SEC31B: variants seen among roughly 807,000 people sequenced by gnomAD.
SEC31B encodes the protein protein transport protein Sec31B.
Under a neutral mutation model 135.0 loss-of-function variants are expected in SEC31B, and 113 were observed. The ratio of observed to expected loss-of-function variants is 0.84; its 90% CI spans 0.72 to 0.98. The LOEUF (loss-of-function observed/expected upper bound fraction) is 0.98, where lower values mean the gene tolerates loss of function less well. Among genes scored for constraint, SEC31B ranks in the 50% least tolerant of loss-of-function variants. The pLI is 0.00. For missense variants in SEC31B, 1,296 were observed against 1,421.1 expected (o/e 0.91, Z 1.42); for synonymous variants, 508 against 549.4 (o/e 0.92, Z 1.05).
In SEC31B at chr10:100,495,442, A is replaced by G. The variant is rs768514675; in HGVS notation, c.2415T>C (p.Ala805=). ...PFPFPRIVVG[A]TLHSKETSSY... is the part of the protein sequence containing the mutation. ...ATGATGTCTCTTTAGAGTGGAGGGT[A>G]GCTCCCACAACAATCCGGGGGAAGG... Residue 805 remains alanine (A), a synonymous_variant, in exon 19 of 26, where the codon GCT becomes GCC. Coordinates refer to ENST00000370345, the MANE Select transcript of SEC31B (RefSeq NM_015490.4). 7.4e-6 allele frequency: 12 copies of G among 1,613,848 alleles called. No individual in the cohort carries two copies. The East Asian group carries it at 1.1e-4, about 15-fold the overall frequency.
At chr10:100,514,610 C>G (rs1329110064) in intron 3 of SEC31B, among the ~76,000 whole-genome samples, 1 of 150,798 alleles carries the variant, frequency 6.6e-6, no homozygotes, top group Non-Finnish European at 1.5e-5. Flanking sequence ...GATGCAGGAG[C>G]TCAAGAAAGG....
At chr10:100,488,449 A>G (rs1259471719) in intron 24 of SEC31B, among the ~76,000 whole-genome samples, 9 of 114,452 alleles carry the variant, frequency 7.9e-5, no homozygotes, top group African/African-American at 3.4e-4. Flanking sequence ...ACAAAGCGAG[A>G]CTCCATCTCA....
chr10:100,506,292 C>T lies in SEC31B; in HGVS notation c.882+29G>A, dbSNP rs774386950. ...ATTCTTCTACCCTCTCTCTCCCATC[C>T]CAGCATGCCCACAGAAGGGCCAGCC... On this transcript the variant is annotated intron_variant, in intron 8 of 25. Transcript: ENST00000370345. 4.3e-6 allele frequency: 7 copies of T among 1,614,092 alleles called. 1 individual carries two copies. In the South Asian group the frequency reaches 7.7e-5, roughly 18 times the overall value.
chr10:100,507,899 A>G lies in SEC31B; in HGVS notation c.639+9T>C. 6.2e-7 allele frequency: 1 copy of G among 1,614,196 alleles called. No individual in the cohort carries two copies. ...AGCCCAAGCCTGTGTTCTGGCCTCC[A>G]ATACTCACCCTGTTGCTGTGATCAC... is the stretch of plus-strand genomic sequence containing the variant. On this transcript the variant is annotated intron_variant, in intron 6 of 25. Coordinates refer to ENST00000370345, the MANE Select transcript of SEC31B (RefSeq NM_015490.4).
At position 100,507,491 on chromosome 10, in the gene SEC31B, G is replaced by A; in HGVS notation, c.716C>T (p.Pro239Leu). ...LVLCSEDDRL[P>L]VIQLWDLRFA... ...GCGCAAGTCCCACAGCTGAATCACG[G>A]GAAGTCGATCATCCTCTGAGCACAG... The change falls in exon 7 of 26, where the codon CCC (proline) becomes CTC (leucine). Residue 239 changes from proline to leucine, a missense_variant. Coordinates refer to ENST00000370345, the MANE Select transcript of SEC31B (RefSeq NM_015490.4). The A allele has an allele frequency of 6.2e-7, 1 of 1,614,220 alleles. No homozygotes were observed. The highest frequency in any genetic ancestry group is 2.2e-5 in the East Asian group (1 of 44,890).
chr10:100,514,392 C>T (rs1851788364), intron 3 of SEC31B, among the ~76,000 whole-genome samples: 2 of 152,056 alleles, frequency 1.3e-5, no homozygotes, highest in Non-Finnish European at 2.9e-5. Flanking sequence ...TCAGGTTGAA[C>T]CCCTTTTTTA....
intron 11 of SEC31B, chr10:100,500,268 G>T: frequency 2.2e-6 from 1 of 450,266 alleles, no homozygotes; most frequent in South Asian, 1.6e-5. Flanking sequence ...CTTCCGAGGA[G>T]ACTGCTGCCA....
intron 2 of SEC31B, among the ~76,000 whole-genome samples, chr10:100,516,505 C>G (rs751305425): frequency 6.6e-6 from 1 of 151,968 alleles, no homozygotes; most frequent in Middle Eastern, 3.4e-3. Context: ...AAAAATTAGC[C>G]AGATGTGGTG....
chr10:100,508,422 A>G (rs1359341947), intron 5 of SEC31B: 1 of 486,946 alleles, frequency 2.1e-6, no homozygotes, highest in Admixed American at 2.3e-5. Context: ...AGGCCGAGAG[A>G]AAAACCACAA....
In SEC31B at chr10:100,516,944, C is replaced by T. The variant is rs1370932732; in HGVS notation, c.9G>A (p.Leu3=). MK[L]KELERPAVQA... ...GGACAGCTGGCCGCTCAAGTTCCTT[C>T]AGCTTCATGGTCTATCCTGTAGGTG... Residue 3 remains leucine (L), a synonymous_variant, in exon 2 of 26, where the codon CTG becomes CTA. Transcript: ENST00000370345. 6.2e-7 allele frequency: 1 copy of T among 1,614,060 alleles called. No individual in the cohort carries two copies. Among genetic ancestry groups the T allele is most frequent in the Admixed American group, 1.7e-5 (1 of 60,030 alleles).
At chr10:100,512,883 A>C (rs774387706) in intron 3 of SEC31B, among the ~76,000 whole-genome samples, 1 of 152,238 alleles carries the variant, frequency 6.6e-6, no homozygotes, top group Non-Finnish European at 1.5e-5. Flanking sequence ...GAGGGAACCT[A>C]AGATAACTGA....
intron 12 of SEC31B, 60 bp from the exon 13 acceptor site, chr10:100,499,318 C>T: frequency 1.3e-5 from 18 of 1,372,346 alleles, no homozygotes; most frequent in Middle Eastern, 3.5e-4. Flanking sequence ...AAGCATTATC[C>T]TCTTTTCCTA....
chr10:100,507,927 A>C lies in SEC31B; in HGVS notation c.620T>G (p.Val207Gly). The C allele has an allele frequency of 6.2e-7, 1 of 1,614,180 alleles. No individual in the cohort carries two copies. The highest frequency in any genetic ancestry group is 8.5e-7 in the Non-Finnish European group (1 of 1,180,034). The change falls in exon 6 of 26, where the codon GTC (valine) becomes GGC (glycine). Residue 207 changes from valine to glycine, a missense_variant. Transcript: ENST00000370345. ...DLRKNEPIIK[V>G]SDHSNRMHCS... Reference sequence around the variant, plus strand: ...ACTCACCCTGTTGCTGTGATCACTGACTTTGATGATAGGTTCATTCTTCCT... The same window carrying C: ...ACTCACCCTGTTGCTGTGATCACTGCCTTTGATGATAGGTTCATTCTTCCT...
rs186151010 is a variant in SEC31B at position 100,507,752 on chromosome 10, C to T, written c.639+156G>A. Among the ~76,000 whole-genome samples, 364 of 152,304 alleles carry T rather than the reference C, an allele frequency of 2.4e-3. 1 individual carries two copies. The highest frequency in any genetic ancestry group is 4.4e-3 in the Non-Finnish European group (300 of 68,022). On this transcript the variant is annotated intron_variant, in intron 6 of 25. Transcript: ENST00000370345. Reference sequence around the variant, plus strand: ...TCCAGATCAGCTCTGTTTAGCTTCCCTAAGTTTTCACTCTCAATAGGAAAT... The same window carrying T: ...TCCAGATCAGCTCTGTTTAGCTTCCTTAAGTTTTCACTCTCAATAGGAAAT...
In SEC31B at chr10:100,490,727, A is replaced by T; in HGVS notation, c.2629T>A (p.Leu877Met). The T allele has an allele frequency of 6.3e-7, 1 of 1,595,986 alleles. No individual in the cohort carries two copies. Among genetic ancestry groups the T allele is most frequent in the Non-Finnish European group, 8.6e-7 (1 of 1,169,524 alleles). ...PGPQAIQPLP[L>M]SPGVRPASSQ... ...TCACCAGGCCTTACCCCAGGGCTCA[A>T]AGGCAAAGGCTGGATGGCCTGGGGC... Residue 877 changes from leucine to methionine, a missense_variant, in exon 20 of 26, where the codon TTG becomes ATG. Coordinates refer to ENST00000370345, the MANE Select transcript of SEC31B (RefSeq NM_015490.4).
Position 100,495,495 on chromosome 10 carries a change from C to T in SEC31B, c.2362G>A (p.Val788Ile). The T allele has an allele frequency of 1.2e-6, 2 of 1,614,074 alleles. No individual in the cohort carries two copies. The highest frequency in any genetic ancestry group is 1.3e-5 in the African/African-American group (1 of 75,024). ...AAAGGGGGAGACTGTTGGCCCAAGACAGCAGAACCTTGAGCATGAAAAAGC... is the reference window on the plus strand; with the variant it reads ...AAAGGGGGAGACTGTTGGCCCAAGATAGCAGAACCTTGAGCATGAAAAAGC... ...DRLFHAQGSAVLGQQSPPFPF... is the reference protein window; with the variant it reads ...DRLFHAQGSAILGQQSPPFPF... The change falls in exon 19 of 26, where the codon GTC becomes ATC. Residue 788 changes from valine (V) to isoleucine (I), a missense_variant. By Grantham distance (29) the Val-to-Ile change is conservative. Coordinates refer to ENST00000370345, the MANE Select transcript of SEC31B (RefSeq NM_015490.4).
chr10:100,488,055 T>C lies in SEC31B; in HGVS notation c.3332A>G (p.Tyr1111Cys), dbSNP rs2133665583. The C allele has an allele frequency of 6.2e-7, 1 of 1,614,090 alleles. No individual in the cohort carries two copies. ...KLEEAAQRLEYLYEKLCEGTL... is the reference protein window; with the variant it reads ...KLEEAAQRLECLYEKLCEGTL... ...CCCCTCACAGAGCTTCTCATATAGATACTCCAGACGCTGGGCTGCCTCTTC... is the reference window on the plus strand; with the variant it reads ...CCCCTCACAGAGCTTCTCATATAGACACTCCAGACGCTGGGCTGCCTCTTC... The change falls in exon 25 of 26, where the codon TAT becomes TGT. Residue 1111 changes from tyrosine to cysteine, a missense_variant. Physicochemically the swap from Tyr to Cys is radical, Grantham distance 194. Transcript: ENST00000370345.
At chr10:100,497,562 C>T (rs963442289) in intron 16 of SEC31B, 105 bp downstream of exon 16, 39 of 1,580,548 alleles carry the variant, frequency 2.5e-5, no homozygotes, top group Admixed American at 1.7e-4. Context: ...AACATTGCCT[C>T]GCCTCCCACA....
chr10:100,488,809 A>T, intron 24 of SEC31B, 49 bp downstream of exon 24: 1 of 1,528,170 alleles, frequency 6.5e-7, no homozygotes, highest in Non-Finnish European at 8.8e-7. Flanking sequence ...GGGGTCCTGG[A>T]GCCAGCGAGG....
Sources: allele counts gnomAD v4.1 joint callset (sites outside exome capture counted in the v4.1 genomes callset), GRCh38; gene constraint gnomAD v4.1.1; transcripts MANE v1.5; gene names NCBI Gene and HGNC (gene_info 2026-07-23, HGNC 2026-07-21).